KIZ: variants seen among roughly 807,000 people sequenced by gnomAD.
KIZ encodes kizuna centrosomal protein, also known as centrosomal protein kizuna.
KIZ carries 68 observed loss-of-function variants against 79.6 expected under a neutral mutation model. That is an observed-to-expected ratio of 0.85 (90% CI 0.70 to 1.05). The LOEUF (loss-of-function observed/expected upper bound fraction) is 1.05, where lower values mean the gene tolerates loss of function less well. Among genes scored for constraint, KIZ ranks in the 50% least tolerant of loss-of-function variants. KIZ has a pLI of 0.00. For synonymous variants in KIZ, 280 were observed against 281.8 expected, an observed-to-expected ratio of 0.99 and a Z score of 0.06; for missense variants, 797 against 800.4, an observed-to-expected ratio of 1.00 and a Z score of 0.05.
At chr20:21,127,629 G>A (rs553645638) in intron 1 of KIZ, among the ~76,000 whole-genome samples, 2 of 152,304 alleles carry the variant, frequency 1.3e-5, no homozygotes, top group East Asian at 3.9e-4. Flanking sequence ...GTACAAATCT[G>A]TTGCTGTGTG....
intron 4 of KIZ, among the ~76,000 whole-genome samples, chr20:21,156,386 A>T (rs1306558653): frequency 6.6e-6 from 1 of 152,204 alleles, no homozygotes; most frequent in Admixed American, 6.5e-5. Flanking sequence ...TTACATTGTT[A>T]TCAGTCTTAG....
At chr20:21,184,079 A>T (rs1449218584) in intron 6 of KIZ, among the ~76,000 whole-genome samples, 2 of 152,028 alleles carry the variant, frequency 1.3e-5, no homozygotes, top group Middle Eastern at 3.2e-3. Context: ...CGTCAGAATA[A>T]AACTGGGTTC....
chr20:21,215,780 G>A, intron 9 of KIZ, 132 bp downstream of exon 9: 1 of 549,760 alleles, frequency 1.8e-6, no homozygotes, highest in Non-Finnish European at 3.4e-6. Context: ...TGGAGCAGGA[G>A]ATTAATCCTA....
At chr20:21,131,124 C>A (rs866474568) in intron 1 of KIZ, among the ~76,000 whole-genome samples, 1 of 152,210 alleles carries the variant, frequency 6.6e-6, no homozygotes, top group African/African-American at 2.4e-5. Context: ...TGTGGCTAAT[C>A]CTCCCAGGCA....
At chr20:21,159,648 T>C (rs2033561444) in intron 4 of KIZ, among the ~76,000 whole-genome samples, 1 of 152,244 alleles carries the variant, frequency 6.6e-6, no homozygotes, top group African/African-American at 2.4e-5. Flanking sequence ...GCTTCTCATT[T>C]AGCATGATAT....
intron 1 of KIZ, among the ~76,000 whole-genome samples, chr20:21,131,538 A>G (rs918410941): frequency 1.3e-5 from 2 of 152,170 alleles, no homozygotes; most frequent in African/African-American, 2.4e-5. Context: ...CCAGTCTTCA[A>G]TCTGTACACA....
At chr20:21,211,468 TCC>T (rs2036064058) in intron 7 of KIZ, among the ~76,000 whole-genome samples, 1 of 152,220 alleles carries the variant, frequency 6.6e-6, no homozygotes, top group Non-Finnish European at 1.5e-5. Flanking sequence ...TCTTCTGGCC[TCC>T]GAAAAGAGAG....
chr20:21,205,483 TTTTATA>T lies in KIZ; in HGVS notation c.1353-7_1353-2del. On this transcript the variant is annotated splice_acceptor_variant and splice_polypyrimidine_tract_variant and intron_variant, in intron 6 of 12. Coordinates refer to ENST00000619189, the MANE Select transcript of KIZ (RefSeq NM_018474.6). LOFTEE classifies it high-confidence loss of function. ...ATCTATAGTGAGTGTCCTGTTTCTG[TTTTATA>T]GACCTGGACAAACACCAGACTCAGA... 7.4e-7 allele frequency: 1 copy of T among 1,350,002 alleles called. No individual in the cohort carries two copies. Among genetic ancestry groups the T allele is most frequent in the South Asian group, 1.3e-5 (1 of 77,992 alleles). 83.6% of individuals were successfully genotyped at this position (1,350,002 alleles called of 1,614,324 possible).
At chr20:21,198,867 C>T (rs753441181) in intron 6 of KIZ, 14 of 152,724 alleles carry the variant, frequency 9.2e-5, no homozygotes, top group Non-Finnish European at 1.8e-4. Context: ...AGAATAAAAA[C>T]CACGGTCTTA....
At position 21,163,282 on chromosome 20, in the gene KIZ, A is replaced by G; in HGVS notation, c.1352+123A>G. 1.5e-6 allele frequency: 1 copy of G among 671,496 alleles called. No individual in the cohort carries two copies. Among genetic ancestry groups the G allele is most frequent in the Non-Finnish European group, 2.5e-6 (1 of 398,496 alleles). The allele number at this position is 671,496 out of a possible 1,614,324, so 41.6% of individuals were successfully genotyped here. A position where few individuals can be genotyped will look rare whatever the true frequency, so the allele number is the denominator to read the frequency against. ...TGAATGTGTAAATTCCTTAAGTCTC[A>G]TAAGTAATCTTGTAGGCAAGACCTA... On this transcript the variant is annotated intron_variant, in intron 6 of 12. Transcript: ENST00000619189.
At chr20:21,161,019 A>G (rs2033627851) in intron 4 of KIZ, 1 of 152,236 alleles carries the variant, frequency 6.6e-6, no homozygotes, top group South Asian at 2.1e-4. Flanking sequence ...ACAGACCAAG[A>G]CAGCCATCAT....
intron 6 of KIZ, among the ~76,000 whole-genome samples, chr20:21,192,674 A>G (rs1250768848): frequency 6.6e-6 from 1 of 152,222 alleles, no homozygotes; most frequent in Admixed American, 6.5e-5. Context: ...TGATATGCAC[A>G]GCACAGGGAA....
At chr20:21,130,733 A>G (rs1285357104) in intron 1 of KIZ, among the ~76,000 whole-genome samples, 3 of 152,182 alleles carry the variant, frequency 2.0e-5, no homozygotes, top group Non-Finnish European at 2.9e-5. Context: ...TTCCCATTAA[A>G]TGAATTTTGG....
At chr20:21,175,251 A>G (rs2034384647) in intron 6 of KIZ, among the ~76,000 whole-genome samples, 1 of 152,156 alleles carries the variant, frequency 6.6e-6, no homozygotes, top group Non-Finnish European at 1.5e-5. Context: ...TAGCTCACCT[A>G]GTTTCTGAAA....
At chr20:21,183,643 G>A (rs2034750967) in intron 6 of KIZ, among the ~76,000 whole-genome samples, 2 of 152,304 alleles carry the variant, frequency 1.3e-5, no homozygotes, top group Middle Eastern at 3.4e-3. Context: ...CAAAGAATTA[G>A]CATGCTTACA....
intron 6 of KIZ, among the ~76,000 whole-genome samples, chr20:21,188,929 C>T (rs527556602): frequency 1.3e-5 from 2 of 152,012 alleles, no homozygotes; most frequent in Admixed American, 6.6e-5. Context: ...AGGATGGTCT[C>T]GATCTCCTGA....
At chr20:21,225,060 T>A (rs548773167) in intron 9 of KIZ, among the ~76,000 whole-genome samples, 71 of 152,336 alleles carry the variant, frequency 4.7e-4, no homozygotes, top group African/African-American at 1.6e-3. Context: ...AGGCAGCTTA[T>A]GTAACAAAGT....
At chr20:21,126,465 G>A (rs1455415682) in intron 1 of KIZ, among the ~76,000 whole-genome samples, 1 of 152,162 alleles carries the variant, frequency 6.6e-6, no homozygotes, top group Non-Finnish European at 1.5e-5. Context: ...GTTTGAGGAT[G>A]CGGCCGCGTC....
chr20:21,152,423 A>G (rs1361265427), intron 4 of KIZ, among the ~76,000 whole-genome samples: 1 of 152,126 alleles, frequency 6.6e-6, no homozygotes, highest in African/African-American at 2.4e-5. Flanking sequence ...TCCTTACTCA[A>G]ATCCCTCAGA....
Sources: gnomAD v4.1 joint callset for allele counts (sites outside exome capture counted in the v4.1 genomes callset) on GRCh38, gnomAD v4.1.1 for gene constraint, MANE v1.5 for transcripts, NCBI Gene and HGNC (gene_info 2026-07-23, HGNC 2026-07-21) for gene names.